Variants in FTCD observed in about 807,000 individuals in gnomAD.
FTCD encodes formimidoyltransferase-cyclodeaminase.
In FTCD, 76 loss-of-function variants were observed where a neutral mutation model predicts 62.9. That is an observed-to-expected ratio of 1.21 (90% CI 1.00 to 1.46). The LOEUF (loss-of-function observed/expected upper bound fraction) is 1.46. Among genes scored for constraint, FTCD ranks in the 40% most tolerant of loss-of-function variants. The pLI is 0.00. For missense variants in FTCD, 845 were observed against 751.3 expected, an observed-to-expected ratio of 1.12 and a Z score of -1.46; for synonymous variants, 397 against 336.9, an observed-to-expected ratio of 1.18 and a Z score of -1.95.
chr21:46,154,525 CCA>C (rs1466019022), intron 1 of FTCD, among the ~76,000 whole-genome samples, 193 bp from the exon 2 acceptor site: 2 of 146,412 alleles, frequency 1.4e-5, no homozygotes, highest in African/African-American at 2.4e-5. Flanking sequence ...CTCACAGCAG[CCA>C]CAGTCACTCC....
At chr21:46,138,350 G>GC (rs1213764308) in intron 12 of FTCD, among the ~76,000 whole-genome samples, 158 bp downstream of exon 12, 2 of 152,178 alleles carry the variant, frequency 1.3e-5, no homozygotes, top group Non-Finnish European at 2.9e-5. Context: ...GGACACCCCG[G>GC]CCCTGTTGGA....
At chr21:46,145,602 G>A in intron 9 of FTCD, 24 bp from the exon 10 acceptor site, 2 of 1,520,732 alleles carry the variant, frequency 1.3e-6, no homozygotes, top group African/African-American at 1.4e-5. Flanking sequence ...GGATGTGGGG[G>A]TCGCAGGGAC....
rs772795409 is a variant in FTCD at position 46,138,866 on chromosome 21, C to T, written c.1304+14G>A. 9 of 1,606,956 alleles carry T rather than the reference C, an allele frequency of 5.6e-6. No homozygotes were observed. Among genetic ancestry groups the T allele is most frequent in the South Asian group, 4.4e-5 (4 of 90,960 alleles). The stretch of plus-strand genomic sequence containing the variant: ...ACACAGAGGCCCACGGTGCGGCCGG[C>T]CCTCCAGGCTCACCTGTCCTTTTCC... On this transcript the variant is annotated intron_variant, in intron 11 of 13. Transcript: ENST00000397746.
intron 7 of FTCD, among the ~76,000 whole-genome samples, chr21:46,147,723 G>C (rs868633356): frequency 6.6e-6 from 1 of 151,412 alleles, no homozygotes; most frequent in African/African-American, 2.4e-5. Flanking sequence ...CGGATCACGA[G>C]GTCAGGAGTT....
chr21:46,146,610 T>C lies in FTCD; in HGVS notation c.907-283A>G. On this transcript the variant is annotated intron_variant, in intron 7 of 13. Transcript: ENST00000397746. The stretch of plus-strand genomic sequence containing the variant: ...AGGCCCAGAGAAAGGAGTTGCCCCC[T>C]GGGGACCCCTCAGCAAACTGCTGCT... 5 of 552,696 alleles carry C rather than the reference T, an allele frequency of 9.0e-6. 1 individual carries two copies. The South Asian group carries it at 1.1e-4, about 12-fold the overall frequency. The allele number at this position is 552,696 out of a possible 1,614,324, so 34.2% of individuals were successfully genotyped here.
chr21:46,151,152 C>T (rs915591727), intron 5 of FTCD, among the ~76,000 whole-genome samples: 8 of 152,156 alleles, frequency 5.3e-5, no homozygotes, highest in Admixed American at 2.6e-4. Flanking sequence ...GCTGTGCAGA[C>T]GTGGAGGGAA....
At position 46,137,283 on chromosome 21, in the gene FTCD, G is replaced by C; in HGVS notation, c.1495C>G (p.Leu499Val). 2 of 1,613,880 alleles carry C rather than the reference G, an allele frequency of 1.2e-6. No individual in the cohort carries two copies. Among genetic ancestry groups the C allele is most frequent in the South Asian group, 2.2e-5 (2 of 91,078 alleles). Reference sequence around the variant, plus strand: ...TCTGTGATGTCCCTCAGGTTGATGAGCACGTTGAAATATGCGCCAAACACG... The same window carrying C: ...TCTGTGATGTCCCTCAGGTTGATGACCACGTTGAAATATGCGCCAAACACG... ...MGVFGAYFNV[L>V]INLRDITDEA... is the part of the protein sequence containing the mutation. The change falls in exon 13 of 14, where the codon CTC becomes GTC. Residue 499 changes from leucine (L) to valine (V), a missense_variant. Leu to Val is a conservative substitution (Grantham distance 32). Transcript: ENST00000397746.
chr21:46,141,809 G>A (rs769433441), intron 10 of FTCD, among the ~76,000 whole-genome samples: 8 of 152,288 alleles, frequency 5.3e-5, no homozygotes, highest in Admixed American at 2.0e-4. Flanking sequence ...TCCTGGAAAA[G>A]AAGTAAAAAC....
intron 12 of FTCD, among the ~76,000 whole-genome samples, chr21:46,138,210 A>T (rs1396849521): frequency 2.0e-5 from 3 of 152,108 alleles, no homozygotes; most frequent in Non-Finnish European, 4.4e-5. Flanking sequence ...TGTTTTCTAG[A>T]ACAAGACAGT....
intron 1 of FTCD, among the ~76,000 whole-genome samples, 159 bp downstream of exon 1, chr21:46,155,311 T>C (rs1386330337): frequency 6.6e-6 from 1 of 152,134 alleles, no homozygotes; most frequent in Non-Finnish European, 1.5e-5. Flanking sequence ...CCCAGGGCCC[T>C]GAGCCACGGG....
intron 10 of FTCD, chr21:46,142,611 G>T (rs1004194337): frequency 6.6e-6 from 1 of 152,300 alleles, no homozygotes; most frequent in Non-Finnish European, 1.5e-5. Flanking sequence ...AGGTCGTAAA[G>T]GTAGCGAAGG....
At chr21:46,142,345 C>CGTTAAGCTCTTA (rs2079031820) in intron 10 of FTCD, 1 of 134,156 alleles carries the variant, frequency 7.5e-6, no homozygotes, top group African/African-American at 3.2e-5. Flanking sequence ...TCACAGTGAG[C>CGTTAAGCTCTTA]CATAAGCTCT....
intron 3 of FTCD, 48 bp downstream of exon 3, chr21:46,152,859 C>T (rs2079325896): frequency 3.3e-6 from 5 of 1,497,742 alleles, no homozygotes; most frequent in African/African-American, 2.8e-5. Flanking sequence ...CAATAACCCA[C>T]ACCAATGAGA....
At chr21:46,137,167 C>T (rs1209955051) in intron 13 of FTCD, 72 bp downstream of exon 13, 17 of 1,580,974 alleles carry the variant, frequency 1.1e-5, no homozygotes, top group East Asian at 4.5e-5. Context: ...CACAGCCAGT[C>T]GGCAATCACC....
At chr21:46,154,507 C>T (rs1178713073) in intron 1 of FTCD, among the ~76,000 whole-genome samples, 175 bp from the exon 2 acceptor site, 1 of 151,898 alleles carries the variant, frequency 6.6e-6, no homozygotes, top group Non-Finnish European at 1.5e-5. Context: ...AGCGGCCGCC[C>T]GGGAACCCTC....
intron 10 of FTCD, among the ~76,000 whole-genome samples, chr21:46,144,393 CCT>C (rs1168484854): frequency 1.1e-4 from 15 of 130,928 alleles, no homozygotes; most frequent in Admixed American, 4.5e-4. Flanking sequence ...TCTCTCCCTC[CCT>C]CTCTCTCCAC....
intron 10 of FTCD, among the ~76,000 whole-genome samples, chr21:46,140,569 A>G (rs1431309137): frequency 9.6e-5 from 12 of 125,006 alleles, no homozygotes; most frequent in South Asian, 2.7e-4. Flanking sequence ...CTCCCCGTCC[A>G]CCTTCACGTG....
chr21:46,153,352 C>T (rs988152856), intron 2 of FTCD, among the ~76,000 whole-genome samples: 2 of 152,222 alleles, frequency 1.3e-5, no homozygotes, highest in African/African-American at 4.8e-5. Flanking sequence ...CTGTCCCTCT[C>T]CTAACACTCA....
In FTCD at chr21:46,137,050, G is replaced by A. The variant is rs1601286855; in HGVS notation, c.1563C>T (p.Leu521=). Residue 521 remains leucine (L), a synonymous_variant, in exon 14 of 14, where the codon CTC becomes CTT. Coordinates refer to ENST00000397746, the MANE Select transcript of FTCD (RefSeq NM_206965.2). ...CAGCCTGGGTCTTGGCTTCCTGCAG[G>A]AGGCTGGAAACACGATGGTGGATCT... ...KDQIHHRVSS[L]LQEAKTQAAL... is the part of the protein sequence containing the mutation. 2.5e-6 allele frequency: 4 copies of A among 1,613,806 alleles called. No individual in the cohort carries two copies. Among genetic ancestry groups the A allele is most frequent in the Non-Finnish European group, 3.4e-6 (4 of 1,179,992 alleles).
Sources: allele counts gnomAD v4.1 joint callset (sites outside exome capture counted in the v4.1 genomes callset), GRCh38; gene constraint gnomAD v4.1.1; transcripts MANE v1.5; gene names NCBI Gene and HGNC (gene_info 2026-07-23, HGNC 2026-07-21).